The following NKD2 variants were observed in gnomAD, a reference collection of about 807,000 sequenced individuals.
NKD2 encodes the protein NKD inhibitor of Wnt signaling pathway 2, also known as protein naked cuticle homolog 2.
NKD2 carries 43 observed loss-of-function variants against 34.8 expected under a neutral mutation model. The observed-to-expected ratio is 1.24, with a 90% CI of 0.97 to 1.60. The LOEUF is 1.60. Among genes scored for constraint, NKD2 ranks in the 40% most tolerant of loss-of-function variants. The pLI, the probability that NKD2 is intolerant of heterozygous loss-of-function variation, is 0.00. For synonymous variants in NKD2, 278 were observed against 265.1 expected, an observed-to-expected ratio of 1.05 and a Z score of -0.47; for missense variants, 675 against 627.1, an observed-to-expected ratio of 1.08 and a Z score of -0.82.
Position 1,009,444 on chromosome 5 carries a change from G to A in NKD2, c.62-37G>A, listed in dbSNP as rs1351533476. ...TCACGGCGCGTCTCTTTCCCTCCTC[G>A]GTGCGGGTTTCCCGCGCGTCCGCCC... On this transcript the variant is annotated intron_variant, in intron 2 of 9. Transcript: ENST00000296849. This position sits in a 1 kb window ranked among gnomAD's most constrained non-coding sequence, Gnocchi z 6.9. 6.8e-7 allele frequency: 1 copy of A among 1,476,954 alleles called. No homozygotes were observed. Among genetic ancestry groups the A allele is most frequent in the Admixed American group, 2.2e-5 (1 of 45,502 alleles). The allele number at this position is 1,476,954 out of a possible 1,614,324, so 91.5% of individuals were successfully genotyped here. A position where few individuals can be genotyped will look rare whatever the true frequency, so the allele number is the denominator to read the frequency against.
chr5:1,017,069 C>T (rs1418128404), intron 3 of NKD2, among the ~76,000 whole-genome samples: 1 of 152,262 alleles, frequency 6.6e-6, no homozygotes, highest in African/African-American at 2.4e-5. Flanking sequence ...ACAGAGCCGA[C>T]CTCATCCTCG....
intron 3 of NKD2, among the ~76,000 whole-genome samples, chr5:1,030,018 G>T (rs1014454213): frequency 1.3e-5 from 2 of 150,552 alleles, no homozygotes; most frequent in Non-Finnish European, 3.0e-5. Context: ...TGTGGTGCGG[G>T]GGGGGGGGTA....
chr5:1,034,139 C>T, intron 5 of NKD2, 96 bp from the exon 6 acceptor site: 1 of 859,294 alleles, frequency 1.2e-6, no homozygotes, highest in Non-Finnish European at 1.8e-6. Flanking sequence ...GCATGAGGGA[C>T]CCCTGGGAAA....
chr5:1,038,328 C>T lies in NKD2; in HGVS notation c.1311C>T (p.His437=), dbSNP rs1332963403. 4.2e-5 allele frequency: 64 copies of T among 1,532,788 alleles called. No individual in the cohort carries two copies. In the East Asian group the frequency reaches 5.7e-4, roughly 14 times the overall value. 94.9% of individuals were successfully genotyped at this position (1,532,788 alleles called of 1,614,324 possible). A position where few individuals can be genotyped will look rare whatever the true frequency, so the allele number is the denominator to read the frequency against. Residue 437 remains histidine (H), a synonymous_variant, in exon 10 of 10, where the codon CAC becomes CAT. Transcript: ENST00000296849. The surrounding 1 kb of genome is among the most constrained non-coding windows in gnomAD (Gnocchi z 4.5). ...VIQRHEHHHH[H]EHHHHHHHHH... ...AGCGGCACGAGCACCACCACCACCACGAGCACCACCACCACCACCACCACC... is the reference window on the plus strand; with the variant it reads ...AGCGGCACGAGCACCACCACCACCATGAGCACCACCACCACCACCACCACC...
intron 3 of NKD2, among the ~76,000 whole-genome samples, chr5:1,010,564 G>A (rs1479257158): frequency 6.6e-6 from 1 of 152,204 alleles, no homozygotes; most frequent in Non-Finnish European, 1.5e-5. Context: ...TGCTTCCTGA[G>A]AGTGACCATC....
chr5:1,036,530 C>T (rs1468998137), intron 9 of NKD2, 146 bp downstream of exon 9: 28 of 651,122 alleles, frequency 4.3e-5, no homozygotes, highest in Non-Finnish European at 6.0e-5. Flanking sequence ...CCACCCAGGA[C>T]GGCACCCAGG....
intron 3 of NKD2, among the ~76,000 whole-genome samples, chr5:1,012,444 C>T (rs1157428957): frequency 3.9e-5 from 6 of 152,246 alleles, no homozygotes; most frequent in African/African-American, 1.4e-4. Flanking sequence ...TTACAGGAGG[C>T]ACTCGCCAGT....
chr5:1,018,004 C>T (rs1419920203), intron 3 of NKD2, among the ~76,000 whole-genome samples: 1 of 152,002 alleles, frequency 6.6e-6, no homozygotes, highest in Non-Finnish European at 1.5e-5. Context: ...GGTGAGGAGG[C>T]ATGGAGGAAG....
intron 3 of NKD2, among the ~76,000 whole-genome samples, chr5:1,026,213 A>T (rs36196473): frequency 0.018 from 293 of 15,960 alleles, 19 homozygotes; most frequent in Non-Finnish European, 0.036. Flanking sequence ...GTCTCAGCCC[A>T]TTGTCCCTGC....
At position 1,018,836 on chromosome 5, in the gene NKD2, G is replaced by A. The variant is rs6867712; in HGVS notation, c.141+9276G>A. 3.3e-5 allele frequency among the ~76,000 whole-genome samples: 5 copies of A among 152,200 alleles called. No homozygotes were observed. The South Asian group carries it at 6.2e-4, about 19-fold the overall frequency. On this transcript the variant is annotated intron_variant, in intron 3 of 9. Coordinates refer to ENST00000296849, the MANE Select transcript of NKD2 (RefSeq NM_033120.4). Reference sequence around the variant, plus strand: ...GAAGCCGCCCCAGAGGCCCATTCTCGGGGTCTGTTTGCCTGTCGTGGGGAG... The same window carrying A: ...GAAGCCGCCCCAGAGGCCCATTCTCAGGGTCTGTTTGCCTGTCGTGGGGAG...
Position 1,034,295 on chromosome 5 carries a change from T to C in NKD2, c.391T>C (p.Tyr131His). Residue 131 changes from tyrosine to histidine, a missense_variant, in exon 6 of 10, where the codon TAT (tyrosine) becomes CAT (histidine). By Grantham distance (83) the Tyr-to-His change is moderately conservative. Transcript: ENST00000296849. Reference protein sequence around the residue: ...DDRQEWTFTLYDFDNCGKVTR... With the variant: ...DDRQEWTFTLHDFDNCGKVTR... ...CCGCCAGGAGTGGACGTTCACGCTC[T>C]ATGACTTTGACAACTGCGGGAAGGT... 1 of 1,612,826 alleles carries C rather than the reference T, an allele frequency of 6.2e-7. No homozygotes were observed. Among genetic ancestry groups the C allele is most frequent in the Non-Finnish European group, 8.5e-7 (1 of 1,179,872 alleles).
At chr5:1,036,177 G>A (rs537075001) in intron 8 of NKD2, 80 bp from the exon 9 acceptor site, 35 of 1,426,384 alleles carry the variant, frequency 2.5e-5, no homozygotes, top group Admixed American at 8.3e-5. Flanking sequence ...GACCCCTGCC[G>A]CCTGCTGTAG....
In NKD2 at chr5:1,009,547, C is replaced by T. The variant is rs769392378; in HGVS notation, c.128C>T (p.Ala43Val). 5 of 1,491,168 alleles carry T rather than the reference C, an allele frequency of 3.4e-6. No homozygotes were observed. The Admixed American group carries it at 1.1e-4, about 33-fold the overall frequency. 92.4% of individuals were successfully genotyped at this position (1,491,168 alleles called of 1,614,324 possible). ...GGCGCGGAGGAAGCGGAGCGGCGCG[C>T]GCGGGACAAGCAGGTAGGCGGCGGG... is the stretch of plus-strand genomic sequence containing the variant. ...RKGAEEAERR[A>V]RDKQELPNGD... is the part of the protein sequence containing the mutation. Residue 43 changes from alanine to valine, a missense_variant, in exon 3 of 10, where the codon GCG (alanine) becomes GTG (valine). Coordinates refer to ENST00000296849, the MANE Select transcript of NKD2 (RefSeq NM_033120.4). The surrounding 1 kb of genome is among the most constrained non-coding windows in gnomAD (Gnocchi z 6.9).
chr5:1,009,596 C>G lies in NKD2; in HGVS notation c.141+36C>G, dbSNP rs1341321977. The G allele has an allele frequency of 2.1e-6, 3 of 1,396,670 alleles. No individual in the cohort carries two copies. The highest frequency in any genetic ancestry group is 2.8e-6 in the Non-Finnish European group (3 of 1,083,344). The allele number at this position is 1,396,670 out of a possible 1,614,324, so 86.5% of individuals were successfully genotyped here. ...GGGCGGAGGCTGGGGTCGCGCTGCGCACCCGCCCGGGGGCGGGGAGCGGTG... is the reference window on the plus strand; with the variant it reads ...GGGCGGAGGCTGGGGTCGCGCTGCGGACCCGCCCGGGGGCGGGGAGCGGTG... On this transcript the variant is annotated intron_variant, in intron 3 of 9. Coordinates refer to ENST00000296849, the MANE Select transcript of NKD2 (RefSeq NM_033120.4). The surrounding 1 kb of genome is among the most constrained non-coding windows in gnomAD (Gnocchi z 6.9).
chr5:1,030,900 G>A (rs1343304335), intron 3 of NKD2, among the ~76,000 whole-genome samples: 1 of 152,182 alleles, frequency 6.6e-6, no homozygotes, highest in Admixed American at 6.5e-5. Flanking sequence ...TCAGCCACAA[G>A]GGGGGCTGGG....
chr5:1,009,113 G>GGGCGGGCC lies in NKD2; in HGVS notation c.25+38_25+39insCGGCGGGC, dbSNP rs1755642498. The GGGCGGGCC allele has an allele frequency of 4.7e-6, 2 of 421,890 alleles. No homozygotes were observed. Among genetic ancestry groups the GGGCGGGCC allele is most frequent in the South Asian group, 7.6e-5 (2 of 26,384 alleles). 26.1% of individuals were successfully genotyped at this position (421,890 alleles called of 1,614,324 possible). Reference sequence around the variant, plus strand: ...CCGCGGGCCGGTAGGGCGGGAGGGCGGGCGGGCGGGCGTGGGGCCGCCTCT... The same window carrying GGGCGGGCC: ...CCGCGGGCCGGTAGGGCGGGAGGGCGGGCGGGCCGGCGGGCGGGCGTGGGGCCGCCTCT... On this transcript the variant is annotated intron_variant, in intron 1 of 9. Coordinates refer to ENST00000296849, the MANE Select transcript of NKD2 (RefSeq NM_033120.4). This position sits in a 1 kb window ranked among gnomAD's most constrained non-coding sequence, Gnocchi z 6.9.
chr5:1,026,856 G>T (rs1020990791), intron 3 of NKD2, among the ~76,000 whole-genome samples: 37 of 152,382 alleles, frequency 2.4e-4, no homozygotes, highest in African/African-American at 7.9e-4. Flanking sequence ...CCCTGAGGTG[G>T]CGGTGGCTGC....
rs1463666366 is a variant in NKD2, at chr5:1,037,939, C to T, written c.922C>T (p.Pro308Ser). The change falls in exon 10 of 10, where the codon CCA becomes TCA. Residue 308 changes from proline (P) to serine (S), a missense_variant. Coordinates refer to ENST00000296849, the MANE Select transcript of NKD2 (RefSeq NM_033120.4). ...RSQVLVEHVV[P>S]ASEPAARALD... Reference sequence around the variant, plus strand: ...ACAGGTGCTGGTGGAACACGTCGTGCCAGCCTCGGAGCCTGCTGCCCGGGC... The same window carrying T: ...ACAGGTGCTGGTGGAACACGTCGTGTCAGCCTCGGAGCCTGCTGCCCGGGC... 2 of 1,606,958 alleles carry T rather than the reference C, an allele frequency of 1.2e-6. No individual in the cohort carries two copies. The highest frequency in any genetic ancestry group is 8.5e-7 in the Non-Finnish European group (1 of 1,178,872).
Position 1,009,435 on chromosome 5 carries a change from T to A in NKD2, c.62-46T>A. 1 of 1,455,344 alleles carries A rather than the reference T, an allele frequency of 6.9e-7. No individual in the cohort carries two copies. The highest frequency in any genetic ancestry group is 9.1e-7 in the Non-Finnish European group (1 of 1,096,374). 90.2% of individuals were successfully genotyped at this position (1,455,344 alleles called of 1,614,324 possible). On this transcript the variant is annotated intron_variant, in intron 2 of 9. Transcript: ENST00000296849. This position sits in a 1 kb window ranked among gnomAD's most constrained non-coding sequence, Gnocchi z 6.9. ...CCGCGGGGCTCACGGCGCGTCTCTTTCCCTCCTCGGTGCGGGTTTCCCGCG... is the reference window on the plus strand; with the variant it reads ...CCGCGGGGCTCACGGCGCGTCTCTTACCCTCCTCGGTGCGGGTTTCCCGCG...
Sources: gnomAD v4.1 joint callset for allele counts (sites outside exome capture counted in the v4.1 genomes callset) on GRCh38, gnomAD v4.1.1 for gene constraint, Gnocchi (gnomAD v3.1) non-coding constraint, MANE v1.5 for transcripts, NCBI Gene and HGNC (gene_info 2026-07-23, HGNC 2026-07-21) for gene names.